Variants in HPN observed in about 807,000 individuals in gnomAD.
The protein encoded by HPN is hepsin.
Under a neutral mutation model 55.9 loss-of-function variants are expected in HPN, and 13 were observed. That is an observed-to-expected ratio of 0.23 (90% CI 0.15 to 0.37). The LOEUF (loss-of-function observed/expected upper bound fraction) is 0.37. HPN is among the 10% of genes least tolerant of loss of function. The pLI is 1.00. For missense variants in HPN, 451 were observed against 575.8 expected, an observed-to-expected ratio of 0.78 and a Z score of 2.22; for synonymous variants, 225 against 240.3, an observed-to-expected ratio of 0.94 and a Z score of 0.59.
chr19:35,065,371 G>A (rs921644455), intron 10 of HPN, 26 bp downstream of exon 10: 1 of 1,597,356 alleles, frequency 6.3e-7, no homozygotes, highest in Non-Finnish European at 8.6e-7. Context: ...TGCCTCTGAT[G>A]CCACCGTTTG....
In HPN at chr19:35,059,888, C is replaced by T. The variant is rs2064506755; in HGVS notation, c.305C>T (p.Ser102Phe). The change falls in exon 6 of 13, where the codon TCC becomes TTC. Residue 102 changes from serine to phenylalanine, a missense_variant. Transcript: ENST00000672452. ...GCCCCGCCCAGGGCACTGACCCACT[C>T]CGAGCTGGACGTGCGAACGGCGGGC... The part of the protein sequence containing the change: ...EMGFLRALTH[S>F]ELDVRTAGAN... 2 of 1,504,350 alleles carry T rather than the reference C, an allele frequency of 1.3e-6. No homozygotes were observed. Among genetic ancestry groups the T allele is most frequent in the Non-Finnish European group, 1.8e-6 (2 of 1,126,702 alleles). The allele number at this position is 1,504,350 out of a possible 1,614,324, so 93.2% of individuals were successfully genotyped here.
Position 35,060,816 on chromosome 19 carries a change from A to G in HPN, c.810A>G (p.Thr270=), listed in dbSNP as rs1273775359. 6.4e-7 allele frequency: 1 copy of G among 1,574,656 alleles called. No individual in the cohort carries two copies. Among genetic ancestry groups the G allele is most frequent in the Non-Finnish European group, 8.6e-7 (1 of 1,158,938 alleles). The change falls in exon 9 of 13, where the codon ACA becomes ACG. Residue 270 remains threonine (T), a splice_region_variant and synonymous_variant. Transcript: ENST00000672452. The part of the protein sequence containing the change: ...LVHLSSPLPL[T]EYIQPVCLPA... ...ACCTCTCCAGTCCCCTGCCCCTCACAGGTAAGTCTAAGGGCTGAGCCATGG... is the reference window on the plus strand; with the variant it reads ...ACCTCTCCAGTCCCCTGCCCCTCACGGGTAAGTCTAAGGGCTGAGCCATGG...
chr19:35,047,989 CAAAAAAAA>C (rs1226688861), intron 2 of HPN, among the ~76,000 whole-genome samples: 1 of 38,018 alleles, frequency 2.6e-5, no homozygotes, highest in East Asian at 7.9e-4. Flanking sequence ...AACCCTGTCT[CAAAAAAAA>C]AAAAAAGAAA....
At chr19:35,054,707 C>A (rs946444446) in intron 4 of HPN, among the ~76,000 whole-genome samples, 1 of 152,164 alleles carries the variant, frequency 6.6e-6, no homozygotes, top group African/African-American at 2.4e-5. Flanking sequence ...GCCACCCCAC[C>A]TCTCTGAGCC....
chr19:35,062,893 AATAATAACGGTG>A (rs1457407530), intron 9 of HPN, among the ~76,000 whole-genome samples: 1 of 38,226 alleles, frequency 2.6e-5, no homozygotes, highest in African/African-American at 4.6e-5. Context: ...AGAACATAAT[AATAATAACGGTG>A]ATAATGATGA....
Position 35,050,250 on chromosome 19 carries a change from G to T in HPN, c.160+734G>T, listed in dbSNP as rs141370640. 7.4e-3 allele frequency among the ~76,000 whole-genome samples: 1,134 copies of T among 152,296 alleles called. 3 individuals are homozygous for T. Among genetic ancestry groups the T allele is most frequent in the Non-Finnish European group, 0.012 (848 of 68,030 alleles). On this transcript the variant is annotated intron_variant, in intron 4 of 12. Transcript: ENST00000672452. ...CGATTCTCCTGCTTCAGCCTCCCAAGTACCTGGGAATACAGGCGTGTGCCA... is the reference window on the plus strand; with the variant it reads ...CGATTCTCCTGCTTCAGCCTCCCAATTACCTGGGAATACAGGCGTGTGCCA...
chr19:35,054,228 G>A (rs529488382), intron 4 of HPN, among the ~76,000 whole-genome samples: 1 of 152,304 alleles, frequency 6.6e-6, no homozygotes, highest in East Asian at 1.9e-4. Flanking sequence ...GACCAGCCTG[G>A]CCAACATGGT....
At chr19:35,049,136 C>A in intron 2 of HPN, 154 bp from the exon 3 acceptor site, 2 of 476,216 alleles carry the variant, frequency 4.2e-6, no homozygotes, top group East Asian at 6.7e-5. Flanking sequence ...AGGAACAGCC[C>A]TGTCAACTGC....
At position 35,048,066 on chromosome 19, in the gene HPN, AAG is replaced by A. The variant is rs1285513045; in HGVS notation, c.17-1222_17-1221del. On this transcript the variant is annotated intron_variant, in intron 2 of 12. Coordinates refer to ENST00000672452, the MANE Select transcript of HPN (RefSeq NM_001384133.1). ...AAAGAAAGAAAGAAAGAAAGAAAGA[AAG>A]AAAGAAAGAAAGAAAAGGAAGGAAG... Among the ~76,000 whole-genome samples, 166 of 52,728 alleles carry A rather than the reference AAG, an allele frequency of 3.1e-3. 3 individuals are homozygous for A. The highest frequency in any genetic ancestry group is 0.017 in the African/African-American group (161 of 9,314). The allele number at this position is 52,728 out of a possible 152,430, so 34.6% of individuals were successfully genotyped here.
At position 35,066,487 on chromosome 19, in the gene HPN, G is replaced by A; in HGVS notation, c.*200G>A. On this transcript the variant is annotated 3_prime_UTR_variant, in exon 13 of 13. Coordinates refer to ENST00000672452, the MANE Select transcript of HPN (RefSeq NM_001384133.1). ...CCAACCTCACCCTCCTGACCCCCAT[G>A]TAAATATTGTTCTGCTGTCTGGGAC... is the stretch of plus-strand genomic sequence containing the variant. 5 of 631,132 alleles carry A rather than the reference G, an allele frequency of 7.9e-6. No homozygotes were observed. Among genetic ancestry groups the A allele is most frequent in the Non-Finnish European group, 1.1e-5 (4 of 368,288 alleles). 39.1% of individuals were successfully genotyped at this position (631,132 alleles called of 1,614,324 possible).
At chr19:35,059,632 G>T in intron 4 of HPN, 41 bp from the exon 5 acceptor site, 6 of 1,564,106 alleles carry the variant, frequency 3.8e-6, no homozygotes, top group Non-Finnish European at 5.2e-6. Context: ...GGGGAGCCTG[G>T]CTGTGGGACC....
At chr19:35,055,078 G>A (rs931364060) in intron 4 of HPN, among the ~76,000 whole-genome samples, 14 of 152,204 alleles carry the variant, frequency 9.2e-5, no homozygotes, top group Non-Finnish European at 5.9e-5. Flanking sequence ...GGGAGGCCAA[G>A]GTGGGAGGAT....
At chr19:35,054,465 G>T (rs1043946080) in intron 4 of HPN, among the ~76,000 whole-genome samples, 4 of 151,170 alleles carry the variant, frequency 2.6e-5, no homozygotes, top group African/African-American at 9.7e-5. Context: ...GAGGATGGTT[G>T]TGGGATTCAG....
At chr19:35,061,397 T>C (rs1196957307) in intron 9 of HPN, among the ~76,000 whole-genome samples, 1 of 150,966 alleles carries the variant, frequency 6.6e-6, no homozygotes, top group East Asian at 1.9e-4. Context: ...ATACAAAAAT[T>C]AGCCTGGCCA....
At chr19:35,062,964 C>T (rs929654608) in intron 9 of HPN, among the ~76,000 whole-genome samples, 7 of 152,066 alleles carry the variant, frequency 4.6e-5, no homozygotes, top group Admixed American at 2.6e-4. Context: ...ATTGAGTATT[C>T]GAGTATAGCG....
At chr19:35,060,917 C>T in intron 9 of HPN, 100 bp downstream of exon 9, 1 of 1,009,958 alleles carries the variant, frequency 9.9e-7, no homozygotes, top group South Asian at 1.6e-5. Context: ...GCTCAGGCAT[C>T]CTTGGCAATA....
chr19:35,054,673 C>T (rs1027611013), intron 4 of HPN, among the ~76,000 whole-genome samples: 2 of 152,170 alleles, frequency 1.3e-5, no homozygotes, highest in African/African-American at 2.4e-5. Flanking sequence ...CCCTGCTTCT[C>T]GTGCATTTGG....
intron 4 of HPN, among the ~76,000 whole-genome samples, chr19:35,057,591 T>C (rs2064468775): frequency 6.6e-6 from 1 of 152,158 alleles, no homozygotes; most frequent in Non-Finnish European, 1.5e-5. Flanking sequence ...AATTTAAAGA[T>C]ATAAATGTCT....
At position 35,041,781 on chromosome 19, in the gene HPN, G is replaced by C; in HGVS notation, c.-146G>C. ...CGCCTCTGCCTCCAGGCCGCCCGCT[G>C]CTGCGGGGCCACCATGCTCCTGCCC... On this transcript the variant is annotated 5_prime_UTR_variant, in exon 1 of 13. Transcript: ENST00000672452. 1.5e-6 allele frequency: 2 copies of C among 1,318,478 alleles called. No individual in the cohort carries two copies. Among genetic ancestry groups the C allele is most frequent in the Non-Finnish European group, 2.0e-6 (2 of 1,007,268 alleles). 81.7% of individuals were successfully genotyped at this position (1,318,478 alleles called of 1,614,324 possible).
Sources: gnomAD v4.1 joint callset for allele counts (sites outside exome capture counted in the v4.1 genomes callset) on GRCh38, gnomAD v4.1.1 for gene constraint, MANE v1.5 for transcripts, NCBI Gene and HGNC (gene_info 2026-07-23, HGNC 2026-07-21) for gene names.